The following ENPP2 variants were observed in gnomAD, a reference collection of about 807,000 sequenced individuals.
The protein encoded by ENPP2 is ectonucleotide pyrophosphatase/phosphodiesterase 2, also known as autotaxin.
A neutral mutation model predicts 120.2 loss-of-function variants in ENPP2; 51 were observed. The ratio of observed to expected loss-of-function variants is 0.42; its 90% CI spans 0.34 to 0.54. The LOEUF (loss-of-function observed/expected upper bound fraction) is 0.54, where lower values mean the gene tolerates loss of function less well. Ranked by LOEUF, ENPP2 falls within the 20% of genes least tolerant of loss-of-function variation. The pLI is 0.04. For missense variants in ENPP2, 920 were observed against 1,066.5 expected, an observed-to-expected ratio of 0.86 and a Z score of 1.91; for synonymous variants, 365 against 366.4, an observed-to-expected ratio of 1.00 and a Z score of 0.04.
chr8:119,666,769 A>C (rs1196636990), intron 1 of ENPP2, among the ~76,000 whole-genome samples: 1 of 123,062 alleles, frequency 8.1e-6, no homozygotes, highest in Non-Finnish European at 1.6e-5. Context: ...AAAAAGAGCA[A>C]AACTGTCTAA....
chr8:119,634,426 G>A (rs559548541), intron 2 of ENPP2, among the ~76,000 whole-genome samples: 2 of 152,128 alleles, frequency 1.3e-5, no homozygotes, highest in Admixed American at 1.3e-4. Context: ...AAAATTAAAG[G>A]TATTGTTAAC....
chr8:119,619,054 A>G (rs1157612822), intron 5 of ENPP2, among the ~76,000 whole-genome samples, 190 bp downstream of exon 5: 4 of 152,124 alleles, frequency 2.6e-5, no homozygotes, highest in Non-Finnish European at 4.4e-5. Flanking sequence ...AACTGGGGGG[A>G]AGAAAACTAT....
chr8:119,651,866 T>G (rs901941246), intron 1 of ENPP2, among the ~76,000 whole-genome samples: 1 of 152,150 alleles, frequency 6.6e-6, no homozygotes, highest in Non-Finnish European at 1.5e-5. Context: ...CAAATTCAAA[T>G]AATAGTGGTT....
At chr8:119,622,062 G>C (rs968569295) in intron 3 of ENPP2, among the ~76,000 whole-genome samples, 4 of 152,138 alleles carry the variant, frequency 2.6e-5, no homozygotes, top group African/African-American at 9.7e-5. Context: ...CTGAGTAGCT[G>C]GGATTACAAA....
Position 119,600,727 on chromosome 8 carries a change from G to A in ENPP2, c.923C>T (p.Ser308Phe), listed in dbSNP as rs1199817198. 4 of 1,612,278 alleles carry A rather than the reference G, an allele frequency of 2.5e-6. No homozygotes were observed. The highest frequency in any genetic ancestry group is 3.4e-6 in the Non-Finnish European group (4 of 1,178,378). ...GTGTCCAGAGAAATCAGGTTGCTCA[G>A]AATAGAAGGCATAGACCGAAGGCCT... ...HERPSVYAFYSEQPDFSGHKY... is the reference protein window; with the variant it reads ...HERPSVYAFYFEQPDFSGHKY... The change falls in exon 11 of 25, where the codon TCT becomes TTT. Residue 308 changes from serine to phenylalanine, a missense_variant. Physicochemically the swap from Ser to Phe is radical, Grantham distance 155. Coordinates refer to ENST00000075322, the MANE Select transcript of ENPP2 (RefSeq NM_001040092.3).
intron 3 of ENPP2, among the ~76,000 whole-genome samples, chr8:119,624,881 G>A (rs1816164913): frequency 6.6e-6 from 1 of 152,034 alleles, no homozygotes; most frequent in Non-Finnish European, 1.5e-5. Context: ...AGAGCCTTTT[G>A]TTTTTCTATT....
At chr8:119,616,154 C>A in intron 8 of ENPP2, 111 bp downstream of exon 8, 2 of 948,224 alleles carry the variant, frequency 2.1e-6, no homozygotes, top group South Asian at 1.8e-5. Flanking sequence ...GAAACATTGC[C>A]AAGTATGAGG....
chr8:119,621,349 G>C, intron 4 of ENPP2, 45 bp downstream of exon 4: 1 of 1,600,092 alleles, frequency 6.2e-7, no homozygotes, highest in Non-Finnish European at 8.6e-7. Context: ...AGCACCTCCA[G>C]TTTTTATTCT....
chr8:119,655,363 T>A (rs1457473387), intron 1 of ENPP2, among the ~76,000 whole-genome samples: 1 of 152,230 alleles, frequency 6.6e-6, no homozygotes, highest in Non-Finnish European at 1.5e-5. Context: ...ATGCCGGAAG[T>A]TCTGGACCTT....
chr8:119,595,753 A>G (rs760528750), intron 11 of ENPP2: 1 of 1,262,476 alleles, frequency 7.9e-7, no homozygotes, highest in African/African-American at 1.5e-5. Flanking sequence ...GTTTTTCTAA[A>G]ACTTGCTCAG....
intron 2 of ENPP2, among the ~76,000 whole-genome samples, chr8:119,635,596 G>A (rs189754929): frequency 1.4e-4 from 21 of 152,266 alleles, no homozygotes; most frequent in Admixed American, 8.5e-4. Context: ...AGAAAAAGAT[G>A]TCAAACTAAA....
intron 1 of ENPP2, among the ~76,000 whole-genome samples, chr8:119,661,497 AAAC>A: frequency 6.6e-6 from 1 of 152,332 alleles, no homozygotes; most frequent in Middle Eastern, 3.4e-3. Flanking sequence ...CTGCTATCAA[AAAC>A]AACAACAAAG....
At chr8:119,669,636 A>T (rs779438831) in intron 1 of ENPP2, among the ~76,000 whole-genome samples, 8 of 152,180 alleles carry the variant, frequency 5.3e-5, no homozygotes, top group African/African-American at 1.4e-4. Context: ...TTGATTAGAG[A>T]TTCCTAACTG....
chr8:119,664,507 G>A (rs1318903250), intron 1 of ENPP2, among the ~76,000 whole-genome samples: 4 of 152,154 alleles, frequency 2.6e-5, no homozygotes, highest in Admixed American at 6.5e-5. Flanking sequence ...TTTCCATGAC[G>A]AAGAGCAAAC....
chr8:119,609,228 T>A (rs1275030489), intron 8 of ENPP2, among the ~76,000 whole-genome samples: 3 of 152,064 alleles, frequency 2.0e-5, no homozygotes, highest in Non-Finnish European at 4.4e-5. Flanking sequence ...TCGAAAAGGG[T>A]TCCAGCCCCC....
At chr8:119,632,962 C>T (rs1434184470) in intron 2 of ENPP2, among the ~76,000 whole-genome samples, 1 of 152,098 alleles carries the variant, frequency 6.6e-6, no homozygotes, top group African/African-American at 2.4e-5. Context: ...TCAGCTAGGG[C>T]TGAGGCAAGA....
upstream of ENPP2, among the ~76,000 whole-genome samples, chr8:119,640,932 A>G (rs139698090): frequency 7.0e-3 from 1,066 of 152,248 alleles, 15 homozygotes; most frequent in African/African-American, 0.024. Flanking sequence ...TTTTTAATAC[A>G]GACAGGGTTT....
At chr8:119,591,849 G>T (rs770970892) in intron 12 of ENPP2, among the ~76,000 whole-genome samples, 37 of 152,192 alleles carry the variant, frequency 2.4e-4, no homozygotes, top group Non-Finnish European at 4.4e-4. Context: ...TTAGTACAAT[G>T]TTAGCGTGGG....
At chr8:119,609,039 C>T (rs897080773) in intron 8 of ENPP2, among the ~76,000 whole-genome samples, 1 of 152,124 alleles carries the variant, frequency 6.6e-6, no homozygotes, top group Non-Finnish European at 1.5e-5. Context: ...AAGACCAAAA[C>T]AAAAATGATC....
Sources: gnomAD v4.1 joint callset for allele counts (sites outside exome capture counted in the v4.1 genomes callset) on GRCh38, gnomAD v4.1.1 for gene constraint, MANE v1.5 for transcripts, NCBI Gene and HGNC (gene_info 2026-07-23, HGNC 2026-07-21) for gene names.